CLEC2L: variants seen among roughly 807,000 people sequenced by gnomAD.
CLEC2L encodes the protein C-type lectin domain family 2, member L.
Under a neutral mutation model 23.6 loss-of-function variants are expected in CLEC2L, and 14 were observed. The ratio of observed to expected loss-of-function variants is 0.59; its 90% confidence interval spans 0.39 to 0.93. CLEC2L has a LOEUF of 0.93. Ranked by LOEUF, CLEC2L falls within the 40% of genes least tolerant of loss-of-function variation. The probability of loss-of-function intolerance (pLI) is 0.00; values close to 1 mark genes in which losing one functional copy is unlikely to be tolerated. For missense variants in CLEC2L, 264 were observed against 282.4 expected (o/e 0.93, Z 0.47); for synonymous variants, 114 against 121.3 (o/e 0.94, Z 0.40).
intron 1 of CLEC2L, among the ~76,000 whole-genome samples, chr7:139,534,004 G>A (rs1349626335): frequency 6.6e-6 from 1 of 151,984 alleles, no homozygotes; most frequent in Non-Finnish European, 1.5e-5. Context: ...TGGTTAAGAT[G>A]GTAAAAAAAA....
At chr7:139,535,469 T>C (rs1797639500) in intron 1 of CLEC2L, among the ~76,000 whole-genome samples, 1 of 152,142 alleles carries the variant, frequency 6.6e-6, no homozygotes, top group African/African-American at 2.4e-5. Context: ...ACATTGTGAG[T>C]GTACTTAATG....
In CLEC2L at chr7:139,530,550, C is replaced by T. The variant is rs146555597; in HGVS notation, c.191-5724C>T. On this transcript the variant is annotated intron_variant, in intron 1 of 4. Coordinates refer to ENST00000422142, the MANE Select transcript of CLEC2L (RefSeq NM_001080511.4). ...GGCTTCAGCTGGGCATGGTGGCTCA[C>T]GCCTATAATCCCAGCACTTTGAGAG... 3.1e-3 allele frequency among the ~76,000 whole-genome samples: 466 copies of T among 152,164 alleles called. 4 individuals are homozygous for T. The highest frequency in any genetic ancestry group is 0.01 in the African/African-American group (429 of 41,506).
Position 139,524,112 on chromosome 7 carries a change from T to G in CLEC2L, c.185T>G (p.Leu62Trp). 8.2e-7 allele frequency: 1 copy of G among 1,226,786 alleles called. No individual in the cohort carries two copies. Among genetic ancestry groups the G allele is most frequent in the Non-Finnish European group, 1.0e-6 (1 of 982,090 alleles). 76.0% of individuals were successfully genotyped at this position (1,226,786 alleles called of 1,614,324 possible). ...GGCAGCACCAGCTGGAAGGCGGCCT[T>G]GGAGGGTAAGCGCGGAGCGGCCTCC... The part of the protein sequence containing the change: ...YEGSTSWKAA[L>W]EDTTTRLLLG... Residue 62 changes from leucine to tryptophan, a missense_variant, in exon 1 of 5, where the codon TTG becomes TGG. By Grantham distance (61) the Leu-to-Trp change is moderately conservative. Coordinates refer to ENST00000422142, the MANE Select transcript of CLEC2L (RefSeq NM_001080511.4).
At chr7:139,530,302 G>A (rs1797563318) in intron 1 of CLEC2L, among the ~76,000 whole-genome samples, 1 of 152,122 alleles carries the variant, frequency 6.6e-6, no homozygotes, top group Non-Finnish European at 1.5e-5. Flanking sequence ...GTGGATAAAC[G>A]GTAACTGACT....
Position 139,524,188 on chromosome 7 carries a change from G to T in CLEC2L, c.190+71G>T, listed in dbSNP as rs867062795. On this transcript the variant is annotated intron_variant, in intron 1 of 4. Coordinates refer to ENST00000422142, the MANE Select transcript of CLEC2L (RefSeq NM_001080511.4). ...CAGGCCCGACCCGCGACCCGGAGGC[G>T]GTCAGAGTCACCTTGGCCGCTGTCC... 586 of 1,103,850 alleles carry T rather than the reference G, an allele frequency of 5.3e-4. 1 individual carries two copies. Among genetic ancestry groups the T allele is most frequent in the South Asian group, 1.7e-3 (40 of 22,868 alleles). The allele number at this position is 1,103,850 out of a possible 1,614,324, so 68.4% of individuals were successfully genotyped here. A position where few individuals can be genotyped will look rare whatever the true frequency, so the allele number is the denominator to read the frequency against.
At chr7:139,538,573 C>A (rs1308886520) in intron 2 of CLEC2L, among the ~76,000 whole-genome samples, 4 of 151,830 alleles carry the variant, frequency 2.6e-5, no homozygotes, top group Non-Finnish European at 5.9e-5. Flanking sequence ...ATGGTGAAAC[C>A]CTGTCTCTAC....
At chr7:139,527,263 G>C (rs1797519194) in intron 1 of CLEC2L, among the ~76,000 whole-genome samples, 1 of 152,142 alleles carries the variant, frequency 6.6e-6, no homozygotes, top group Non-Finnish European at 1.5e-5. Flanking sequence ...TGTTGTGAAG[G>C]CTCTGACCCC....
chr7:139,531,974 T>C (rs1797589488), intron 1 of CLEC2L, among the ~76,000 whole-genome samples: 1 of 151,570 alleles, frequency 6.6e-6, no homozygotes, highest in Non-Finnish European at 1.5e-5. Flanking sequence ...ACTTTCCACA[T>C]TGAAAGGGCC....
Position 139,540,350 on chromosome 7 carries a change from C to G in CLEC2L, c.295C>G (p.Pro99Ala), listed in dbSNP as rs1322445926. The G allele has an allele frequency of 6.2e-7, 1 of 1,611,512 alleles. No individual in the cohort carries two copies. The highest frequency in any genetic ancestry group is 1.7e-5 in the Admixed American group (1 of 59,778). Reference protein sequence around the residue: ...ASKGCIKCEAPCPEDWLLYGR... With the variant: ...ASKGCIKCEAACPEDWLLYGR... ...CAAGGGCTGCATCAAGTGCGAAGCG[C>G]CCTGCCCGGAGGACTGGCTGCTCTA... Residue 99 changes from proline to alanine, a missense_variant, in exon 3 of 5, where the codon CCC becomes GCC. Transcript: ENST00000422142. The surrounding 1 kb of genome is among the most constrained non-coding windows in gnomAD (Gnocchi z 5.8).
chr7:139,535,776 G>A (rs1797644714), intron 1 of CLEC2L, among the ~76,000 whole-genome samples: 1 of 152,210 alleles, frequency 6.6e-6, no homozygotes, highest in Admixed American at 6.5e-5. Context: ...TAGCAGGGCT[G>A]TGAGGGCTGA....
At chr7:139,536,219 T>G (rs1321428254) in intron 1 of CLEC2L, 55 bp from the exon 2 acceptor site, 23 of 1,385,210 alleles carry the variant, frequency 1.7e-5, no homozygotes, top group Non-Finnish European at 2.3e-5. Context: ...GGGCTGGCAG[T>G]GGGACTGGCG....
In CLEC2L at chr7:139,538,451, C is replaced by A. The variant is rs368503367; in HGVS notation, c.266-1870C>A. Among the ~76,000 whole-genome samples, 511 of 133,378 alleles carry A rather than the reference C, an allele frequency of 3.8e-3. 1 individual carries two copies. The highest frequency in any genetic ancestry group is 0.014 in the African/African-American group (422 of 31,156). 87.5% of individuals were successfully genotyped at this position (133,378 alleles called of 152,430 possible). A position where few individuals can be genotyped will look rare whatever the true frequency, so the allele number is the denominator to read the frequency against. ...GTCTCAAAAAAAAAAAAACAAAAAACAAAAAACAAAAAAAGGTCCGGGCGT... is the reference window on the plus strand; with the variant it reads ...GTCTCAAAAAAAAAAAAACAAAAAAAAAAAAACAAAAAAAGGTCCGGGCGT... On this transcript the variant is annotated intron_variant, in intron 2 of 4. Transcript: ENST00000422142.
chr7:139,530,209 C>G (rs1045391364), intron 1 of CLEC2L, among the ~76,000 whole-genome samples: 1 of 151,536 alleles, frequency 6.6e-6, no homozygotes, highest in Admixed American at 6.6e-5. Context: ...CCAAACCAAA[C>G]CAAACAGCAA....
At chr7:139,533,608 A>G (rs1297646291) in intron 1 of CLEC2L, among the ~76,000 whole-genome samples, 1 of 152,196 alleles carries the variant, frequency 6.6e-6, no homozygotes, top group African/African-American at 2.4e-5. Flanking sequence ...TGCCTGCCTC[A>G]GCCTCCCAAA....
intron 1 of CLEC2L, among the ~76,000 whole-genome samples, chr7:139,528,283 A>G (rs2116544770): frequency 6.6e-6 from 1 of 152,332 alleles, no homozygotes; most frequent in East Asian, 1.9e-4. Flanking sequence ...CCCTAATCCC[A>G]TATGAACTGG....
intron 1 of CLEC2L, among the ~76,000 whole-genome samples, chr7:139,525,224 G>T (rs530930688): frequency 6.6e-5 from 10 of 151,832 alleles, no homozygotes; most frequent in Admixed American, 2.0e-4. Flanking sequence ...ACTGGTGGTG[G>T]CCCAGAGGGG....
chr7:139,528,972 G>A lies in CLEC2L; in HGVS notation c.190+4855G>A, dbSNP rs142201472. Reference sequence around the variant, plus strand: ...TGTGGTCTTTCCTACAAACTCAGTTGAATTTAAAGTTGACCAAGGATGTTG... The same window carrying A: ...TGTGGTCTTTCCTACAAACTCAGTTAAATTTAAAGTTGACCAAGGATGTTG... On this transcript the variant is annotated intron_variant, in intron 1 of 4. Coordinates refer to ENST00000422142, the MANE Select transcript of CLEC2L (RefSeq NM_001080511.4). Among the ~76,000 whole-genome samples, 462 of 152,308 alleles carry A rather than the reference G, an allele frequency of 3.0e-3. 4 individuals carry two copies. Among genetic ancestry groups the A allele is most frequent in the African/African-American group, 0.01 (427 of 41,556 alleles).
intron 1 of CLEC2L, among the ~76,000 whole-genome samples, chr7:139,527,139 C>T (rs1465637683): frequency 6.6e-6 from 1 of 152,222 alleles, no homozygotes; most frequent in African/African-American, 2.4e-5. Flanking sequence ...CAGTCCTCAC[C>T]TCTCCCCTTG....
rs1296213100 is a variant in CLEC2L at position 139,540,989 on chromosome 7, G to A, written c.432+502G>A. The stretch of plus-strand genomic sequence containing the variant: ...GGAGGATCACAGGAGTTCGAGGCCA[G>A]CCTGGGTAACATAGCAAGACTTTGT... On this transcript the variant is annotated intron_variant, in intron 3 of 4. Coordinates refer to ENST00000422142, the MANE Select transcript of CLEC2L (RefSeq NM_001080511.4). This position sits in a 1 kb window ranked among gnomAD's most constrained non-coding sequence, Gnocchi z 5.8. 6.6e-6 allele frequency among the ~76,000 whole-genome samples: 1 copy of A among 152,160 alleles called. No individual in the cohort carries two copies.
Sources: allele counts gnomAD v4.1 joint callset (sites outside exome capture counted in the v4.1 genomes callset), GRCh38; gene constraint gnomAD v4.1.1; non-coding constraint Gnocchi (gnomAD v3.1); transcripts MANE v1.5; gene names NCBI Gene and HGNC (gene_info 2026-07-23, HGNC 2026-07-21).